The following UPF2 variants were observed in gnomAD, a reference collection of about 807,000 sequenced individuals.
UPF2 encodes regulator of nonsense transcripts 2.
Under a neutral mutation model 141.4 loss-of-function variants are expected in UPF2, and 17 were observed. That is an observed-to-expected ratio of 0.12 (90% confidence interval 0.08 to 0.18). The LOEUF is 0.18. UPF2 is among the 10% of genes least tolerant of loss of function. The pLI, the probability that UPF2 is intolerant of heterozygous loss-of-function variation, is 1.00. For missense variants in UPF2, 1,152 were observed against 1,515.9 expected (o/e 0.76, Z 3.99); for synonymous variants, 540 against 498.0 (o/e 1.08, Z -1.12).
At chr10:11,989,267 AT>A (rs1833742102) in intron 8 of UPF2, among the ~76,000 whole-genome samples, 1 of 152,238 alleles carries the variant, frequency 6.6e-6, no homozygotes, top group Non-Finnish European at 1.5e-5. Flanking sequence ...TGAGAAATGT[AT>A]AAAAATTAGA....
intron 9 of UPF2, among the ~76,000 whole-genome samples, chr10:11,976,809 T>A (rs1833512594): frequency 6.6e-6 from 1 of 152,224 alleles, no homozygotes; most frequent in African/African-American, 2.4e-5. Context: ...GTATAGAAGG[T>A]ATAATTATTA....
intron 20 of UPF2, 136 bp from the exon 21 acceptor site, chr10:11,930,121 C>T (rs1832765137): frequency 1.6e-6 from 2 of 1,233,502 alleles, no homozygotes; most frequent in Non-Finnish European, 2.2e-6. Flanking sequence ...AGCCATTATA[C>T]AGACTAAAAT....
intron 19 of UPF2, among the ~76,000 whole-genome samples, chr10:11,933,834 T>A (rs996644217): frequency 2.0e-5 from 3 of 152,270 alleles, no homozygotes; most frequent in South Asian, 2.1e-4. Flanking sequence ...CATTATTTAC[T>A]GTTGTACAAT....
At position 11,935,322 on chromosome 10, in the gene UPF2, T is replaced by A. The variant is rs1312929619; in HGVS notation, c.3546+1223A>T. Among the ~76,000 whole-genome samples, 1 of 152,226 alleles carries A rather than the reference T, an allele frequency of 6.6e-6. No individual in the cohort carries two copies. The highest frequency in any genetic ancestry group is 1.5e-5 in the Non-Finnish European group (1 of 68,038). ...AGGAAGGACTCTGGCTAACTGCCTC[T>A]ATATTCTGCACACAGAAGTGCCTGG... On this transcript the variant is annotated intron_variant, in intron 19 of 21. Coordinates refer to ENST00000357604, the MANE Select transcript of UPF2 (RefSeq NM_015542.4). This position sits in a 1 kb window ranked among gnomAD's most constrained non-coding sequence, Gnocchi z 4.9.
At chr10:11,995,705 C>T (rs1359718920) in intron 8 of UPF2, among the ~76,000 whole-genome samples, 1 of 152,116 alleles carries the variant, frequency 6.6e-6, no homozygotes, top group African/African-American at 2.4e-5. Flanking sequence ...ATCGCTTGAA[C>T]CCTGGAGTCG....
chr10:11,921,248 T>C lies in UPF2; in HGVS notation c.*50A>G, dbSNP rs1554773353. 6.2e-7 allele frequency: 1 copy of C among 1,613,870 alleles called. No individual in the cohort carries two copies. The highest frequency in any genetic ancestry group is 1.7e-5 in the Admixed American group (1 of 60,028). On this transcript the variant is annotated 3_prime_UTR_variant, in exon 22 of 22. Coordinates refer to ENST00000357604, the MANE Select transcript of UPF2 (RefSeq NM_015542.4). This position sits in a 1 kb window ranked among gnomAD's most constrained non-coding sequence, Gnocchi z 5.9. Reference sequence around the variant, plus strand: ...TCATTCAATTGCTGGAGGACTCCACTAACCACAACATCAGATACAGGACCT... The same window carrying C: ...TCATTCAATTGCTGGAGGACTCCACCAACCACAACATCAGATACAGGACCT...
chr10:12,031,239 T>A (rs891836164), intron 2 of UPF2, among the ~76,000 whole-genome samples: 2 of 151,810 alleles, frequency 1.3e-5, no homozygotes, highest in Non-Finnish European at 2.9e-5. Flanking sequence ...CTCAGCACAT[T>A]AGCCAAACCT....
chr10:11,957,822 C>T (rs1833177945), intron 12 of UPF2, among the ~76,000 whole-genome samples: 1 of 152,028 alleles, frequency 6.6e-6, no homozygotes, highest in Non-Finnish European at 1.5e-5. Context: ...AGCTAATAAT[C>T]TCACTTAAAA....
rs572687103 is a variant in UPF2 at position 11,987,761 on chromosome 10, C to CAAAAA, written c.1845-8601_1845-8597dup. Among the ~76,000 whole-genome samples the CAAAAA allele has an allele frequency of 5.0e-4, 27 of 54,162 alleles. 1 individual carries two copies. Among genetic ancestry groups the CAAAAA allele is most frequent in the African/African-American group, 1.7e-3 (21 of 12,372 alleles). 35.5% of individuals were successfully genotyped at this position (54,162 alleles called of 152,430 possible). ...TGGGCGATAGAGCAAGACTCTGCCT[C>CAAAAA]AAAAAAAAAAAAAAAAAAAAAAAAA... On this transcript the variant is annotated intron_variant, in intron 8 of 21. Transcript: ENST00000357604.
At chr10:11,938,806 A>C (rs1365664548) in intron 18 of UPF2, among the ~76,000 whole-genome samples, 1 of 148,462 alleles carries the variant, frequency 6.7e-6, no homozygotes, top group Non-Finnish European at 1.5e-5. Flanking sequence ...GTTGAGAACA[A>C]ACTCCACCAC....
chr10:12,038,880 C>A (rs1334433211), intron 1 of UPF2, among the ~76,000 whole-genome samples: 1 of 152,124 alleles, frequency 6.6e-6, no homozygotes, highest in Non-Finnish European at 1.5e-5. Flanking sequence ...CCTGGCTGGT[C>A]TCACACTCCC....
intron 10 of UPF2, among the ~76,000 whole-genome samples, chr10:11,966,469 G>A (rs1282503748): frequency 6.6e-6 from 1 of 151,954 alleles, no homozygotes; most frequent in East Asian, 1.9e-4. Flanking sequence ...TTGTTACCCA[G>A]ACTGGAGTGC....
Position 11,956,585 on chromosome 10 carries a change from T to C in UPF2, c.2371-62A>G, listed in dbSNP as rs745573572. 9 of 1,502,188 alleles carry C rather than the reference T, an allele frequency of 6.0e-6. No individual in the cohort carries two copies. Among genetic ancestry groups the C allele is most frequent in the South Asian group, 1.2e-5 (1 of 83,032 alleles). 93.1% of individuals were successfully genotyped at this position (1,502,188 alleles called of 1,614,324 possible). A position where few individuals can be genotyped will look rare whatever the true frequency, so the allele number is the denominator to read the frequency against. ...AGTACACAGTAGCCTGACCAAATAATACAGAAATTTTGCTATGATTGCGCA... is the reference window on the plus strand; with the variant it reads ...AGTACACAGTAGCCTGACCAAATAACACAGAAATTTTGCTATGATTGCGCA... On this transcript the variant is annotated intron_variant, in intron 12 of 21. Transcript: ENST00000357604. This position sits in a 1 kb window ranked among gnomAD's most constrained non-coding sequence, Gnocchi z 4.2.
At chr10:12,024,404 G>A (rs1348964168) in intron 3 of UPF2, among the ~76,000 whole-genome samples, 1 of 152,150 alleles carries the variant, frequency 6.6e-6, no homozygotes, top group Non-Finnish European at 1.5e-5. Context: ...GAGGTCAGGA[G>A]TTCGAGACGA....
At chr10:11,930,092 G>A (rs1392349694) in intron 20 of UPF2, 107 bp from the exon 21 acceptor site, 22 of 1,500,342 alleles carry the variant, frequency 1.5e-5, no homozygotes, top group Admixed American at 1.2e-4. Context: ...TCCTGTCAGG[G>A]AGCTGACTAA....
At chr10:11,963,116 T>C (rs1403533209) in intron 11 of UPF2, among the ~76,000 whole-genome samples, 1 of 152,112 alleles carries the variant, frequency 6.6e-6, no homozygotes, top group African/African-American at 2.4e-5. Context: ...ATAAATACTA[T>C]CAAGCCATTA....
At chr10:12,008,788 C>A (rs1489983344) in intron 4 of UPF2, among the ~76,000 whole-genome samples, 1 of 151,950 alleles carries the variant, frequency 6.6e-6, no homozygotes, top group Admixed American at 6.6e-5. Flanking sequence ...AACCCGTCAC[C>A]TAGGTTTTAA....
In UPF2 at chr10:11,931,831, G is replaced by A; in HGVS notation, c.3547-49C>T. On this transcript the variant is annotated intron_variant, in intron 19 of 21. Coordinates refer to ENST00000357604, the MANE Select transcript of UPF2 (RefSeq NM_015542.4). This position sits in a 1 kb window ranked among gnomAD's most constrained non-coding sequence, Gnocchi z 5.9. ...TACAAATAGTTTGAGAACACTGAGA[G>A]AAAGAAAAAACAGACTTCAAATAAA... 2 of 1,556,728 alleles carry A rather than the reference G, an allele frequency of 1.3e-6. No individual in the cohort carries two copies. The highest frequency in any genetic ancestry group is 2.1e-5 in the Admixed American group (1 of 46,716).
At chr10:11,944,515 A>C (rs1564339785) in intron 16 of UPF2, among the ~76,000 whole-genome samples, 1 of 152,030 alleles carries the variant, frequency 6.6e-6, no homozygotes, top group African/African-American at 2.4e-5. Flanking sequence ...AAAAATGTAC[A>C]CCAATACATT....
Sources: gnomAD v4.1 joint callset for allele counts (sites outside exome capture counted in the v4.1 genomes callset) on GRCh38, gnomAD v4.1.1 for gene constraint, Gnocchi (gnomAD v3.1) non-coding constraint, MANE v1.5 for transcripts, NCBI Gene and HGNC (gene_info 2026-07-23, HGNC 2026-07-21) for gene names.